NPAS3: variants seen among roughly 807,000 people sequenced by gnomAD.
NPAS3 encodes the protein neuronal PAS domain protein 3, also known as neuronal PAS domain-containing protein 3.
NPAS3 carries 14 observed loss-of-function variants against 73.1 expected under a neutral mutation model. The ratio of observed to expected loss-of-function variants is 0.19; its 90% confidence interval spans 0.13 to 0.30. The LOEUF (loss-of-function observed/expected upper bound fraction) is 0.30. NPAS3 is among the 10% of genes least tolerant of loss of function. The pLI, the probability that NPAS3 is intolerant of heterozygous loss-of-function variation, is 1.00. For missense variants in NPAS3, 1,096 were observed against 1,250.0 expected, an observed-to-expected ratio of 0.88 and a Z score of 1.86; for synonymous variants, 620 against 541.5, an observed-to-expected ratio of 1.14 and a Z score of -2.01.
intron 6 of NPAS3, among the ~76,000 whole-genome samples, chr14:33,734,547 C>G (rs2061477879): frequency 6.6e-6 from 1 of 152,152 alleles, no homozygotes; most frequent in East Asian, 1.9e-4. Flanking sequence ...AGACTGTTTC[C>G]TGTTTGGAGG....
intron 5 of NPAS3, among the ~76,000 whole-genome samples, chr14:33,599,440 CTGAG>C (rs1329330805): frequency 5.9e-5 from 9 of 152,116 alleles, no homozygotes; most frequent in African/African-American, 2.2e-4. Context: ...AACTTCACTA[CTGAG>C]TAAGGCATAT....
intron 4 of NPAS3, among the ~76,000 whole-genome samples, chr14:33,557,796 C>T (rs368543745): frequency 3.3e-5 from 5 of 152,126 alleles, no homozygotes; most frequent in Admixed American, 6.5e-5. Flanking sequence ...GGTGAAACCC[C>T]GTCTCTACTA....
At chr14:33,084,736 T>C (rs922776967) in intron 2 of NPAS3, among the ~76,000 whole-genome samples, 1 of 152,030 alleles carries the variant, frequency 6.6e-6, no homozygotes, top group Non-Finnish European at 1.5e-5. Flanking sequence ...AGAGAAGGAA[T>C]ATGTGGTCTT....
intron 2 of NPAS3, among the ~76,000 whole-genome samples, chr14:33,126,672 C>G (rs2043439083): frequency 6.6e-6 from 1 of 152,074 alleles, no homozygotes; most frequent in Non-Finnish European, 1.5e-5. Flanking sequence ...CTGTTCTAGA[C>G]AGAGGGAGAA....
intron 5 of NPAS3, among the ~76,000 whole-genome samples, chr14:33,581,030 A>C (rs1322524414): frequency 6.6e-6 from 1 of 152,220 alleles, no homozygotes; most frequent in African/African-American, 2.4e-5. Flanking sequence ...ATGGCTATAA[A>C]CATGACACTG....
intron 2 of NPAS3, among the ~76,000 whole-genome samples, chr14:33,161,661 G>A (rs2044890820): frequency 6.6e-6 from 1 of 152,212 alleles, no homozygotes; most frequent in South Asian, 2.1e-4. Context: ...TGGTTTAAGA[G>A]GATAATGAGA....
chr14:33,270,432 T>A (rs1400300316), intron 3 of NPAS3, among the ~76,000 whole-genome samples: 3 of 152,176 alleles, frequency 2.0e-5, no homozygotes, highest in African/African-American at 7.2e-5. Context: ...TTTATAGTTA[T>A]TAACAGTGTA....
At chr14:33,173,166 T>C (rs759805695) in intron 2 of NPAS3, among the ~76,000 whole-genome samples, 2 of 152,216 alleles carry the variant, frequency 1.3e-5, no homozygotes, top group Non-Finnish European at 2.9e-5. Flanking sequence ...TTGGAAATCA[T>C]TAGGTTGCAT....
At chr14:33,364,251 A>G (rs1036700481) in intron 3 of NPAS3, among the ~76,000 whole-genome samples, 3 of 152,238 alleles carry the variant, frequency 2.0e-5, no homozygotes, top group Non-Finnish European at 2.9e-5. Context: ...TATAAACATA[A>G]TAAGATTAAC....
chr14:33,408,795 G>A (rs2047783385), intron 4 of NPAS3, among the ~76,000 whole-genome samples: 1 of 152,106 alleles, frequency 6.6e-6, no homozygotes, highest in Non-Finnish European at 1.5e-5. Flanking sequence ...TTAGAGGAGG[G>A]GAGCTAGGAT....
At chr14:32,949,284 C>A (rs1044807927) in intron 1 of NPAS3, among the ~76,000 whole-genome samples, 8 of 151,928 alleles carry the variant, frequency 5.3e-5, no homozygotes, top group Admixed American at 5.3e-4. Flanking sequence ...CTCGGTAGTC[C>A]TGTGTTCCTT....
intron 5 of NPAS3, among the ~76,000 whole-genome samples, chr14:33,590,671 C>G (rs552067204): frequency 6.6e-6 from 1 of 152,092 alleles, no homozygotes; most frequent in South Asian, 2.1e-4. Context: ...AGAGCAAAAC[C>G]CCCAATCCAC....
intron 6 of NPAS3, among the ~76,000 whole-genome samples, chr14:33,711,920 A>G (rs895133283): frequency 5.3e-5 from 8 of 152,058 alleles, no homozygotes; most frequent in African/African-American, 1.9e-4. Context: ...AGGGAGAAGT[A>G]ACAGTCTGGC....
intron 5 of NPAS3, among the ~76,000 whole-genome samples, chr14:33,661,097 G>GAAAAAAAAAAAAAA (rs11297345): frequency 7.5e-6 from 1 of 132,578 alleles, no homozygotes; most frequent in Non-Finnish European, 1.6e-5. Flanking sequence ...TCAGTAAAAG[G>GAAAAAAAAAAAAAA]AAAAAAAAAA....
At chr14:33,734,449 T>C (rs1254044894) in intron 6 of NPAS3, among the ~76,000 whole-genome samples, 2 of 152,162 alleles carry the variant, frequency 1.3e-5, no homozygotes, top group African/African-American at 4.8e-5. Context: ...CTACTTAGTC[T>C]AAAAGTACAT....
intron 2 of NPAS3, among the ~76,000 whole-genome samples, chr14:33,061,500 T>C (rs1192619023): frequency 6.6e-6 from 1 of 152,208 alleles, no homozygotes; most frequent in Non-Finnish European, 1.5e-5. Context: ...CTTTCAGACT[T>C]CAGCATGGTT....
At chr14:33,069,145 A>G (rs1186356284) in intron 2 of NPAS3, among the ~76,000 whole-genome samples, 1 of 152,210 alleles carries the variant, frequency 6.6e-6, no homozygotes, top group African/African-American at 2.4e-5. Flanking sequence ...ATTTGTACCA[A>G]GACGAAGTGG....
At chr14:33,436,493 A>G (rs546798421) in intron 4 of NPAS3, among the ~76,000 whole-genome samples, 2 of 152,178 alleles carry the variant, frequency 1.3e-5, no homozygotes, top group Non-Finnish European at 1.5e-5. Flanking sequence ...ACTAAACCAC[A>G]AAAAGTTCCT....
At chr14:33,664,487 A>G (rs1262264383) in intron 5 of NPAS3, among the ~76,000 whole-genome samples, 4 of 152,218 alleles carry the variant, frequency 2.6e-5, no homozygotes, top group Non-Finnish European at 5.9e-5. Context: ...AAACACCAAA[A>G]GCAATGGCAA....
Sources: gnomAD v4.1 joint callset for allele counts (sites outside exome capture counted in the v4.1 genomes callset) on GRCh38, gnomAD v4.1.1 for gene constraint, MANE v1.5 for transcripts, NCBI Gene and HGNC (gene_info 2026-07-23, HGNC 2026-07-21) for gene names.